Variants in TBCE observed in about 807,000 individuals in gnomAD.
The protein encoded by TBCE is tubulin-specific chaperone E.
Under a neutral mutation model 77.0 loss-of-function variants are expected in TBCE, and 53 were observed. The observed-to-expected ratio is 0.69, with a 90% CI of 0.55 to 0.87. The LOEUF (loss-of-function observed/expected upper bound fraction) is 0.87, where lower values mean the gene tolerates loss of function less well. Among genes scored for constraint, TBCE ranks in the 40% least tolerant of loss-of-function variants. The pLI is 0.00. For missense variants in TBCE, 624 were observed against 622.4 expected, an observed-to-expected ratio of 1.00 and a Z score of -0.03; for synonymous variants, 235 against 241.3, an observed-to-expected ratio of 0.97 and a Z score of 0.24.
chr1:235,437,175 T>C, intron 11 of TBCE, 147 bp from the exon 12 acceptor site: 1 of 887,268 alleles, frequency 1.1e-6, no homozygotes. Flanking sequence ...AAGTATGTGG[T>C]CTTTCTAGAG....
intron 7 of TBCE, chr1:235,432,941 AT>A (rs1274180482): frequency 3.9e-6 from 5 of 1,275,172 alleles, no homozygotes; most frequent in Non-Finnish European, 3.9e-6. Context: ...AAAAAAAAAA[AT>A]TAGGCTCATG....
In TBCE at chr1:235,441,811, C is replaced by T. The variant is rs1681896999; in HGVS notation, c.1271-3C>T. 6.2e-7 allele frequency: 1 copy of T among 1,613,756 alleles called. No individual in the cohort carries two copies. Among genetic ancestry groups the T allele is most frequent in the African/African-American group, 1.3e-5 (1 of 74,996 alleles). ...CATTCATCTCTTTTGCTTTCTTAAACAGAATATGGTGCACCTGAAGATTGG... is the reference window on the plus strand; with the variant it reads ...CATTCATCTCTTTTGCTTTCTTAAATAGAATATGGTGCACCTGAAGATTGG... On this transcript the variant is annotated splice_polypyrimidine_tract_variant and splice_region_variant and intron_variant, in intron 13 of 16. Coordinates refer to ENST00000642610, the MANE Select transcript of TBCE (RefSeq NM_003193.5).
intron 2 of TBCE, among the ~76,000 whole-genome samples, chr1:235,385,086 T>C (rs1677909937): frequency 6.6e-6 from 1 of 152,208 alleles, no homozygotes; most frequent in Non-Finnish European, 1.5e-5. Context: ...CCAGTAGTCA[T>C]TCAGGAGCAG....
chr1:235,384,645 G>A (rs547812482), intron 2 of TBCE, among the ~76,000 whole-genome samples: 42 of 151,446 alleles, frequency 2.8e-4, no homozygotes, highest in African/African-American at 9.7e-4. Context: ...TTGTATTTCT[G>A]TGGGATCGGT....
Position 235,388,664 on chromosome 1 carries a change from A to G in TBCE, c.100+8515A>G, listed in dbSNP as rs79931062. 7.3e-3 allele frequency among the ~76,000 whole-genome samples: 1,111 copies of G among 152,310 alleles called. 11 individuals are homozygous for G. Among genetic ancestry groups the G allele is most frequent in the African/African-American group, 0.026 (1,073 of 41,558 alleles). ...GTTGCCAAATTGTTGTCTGCAAGTC[A>G]GTCAATGTCCGGTACTTGGAAATTT... On this transcript the variant is annotated intron_variant, in intron 2 of 16. Transcript: ENST00000642610.
At chr1:235,402,365 C>T (rs933710553) in intron 3 of TBCE, among the ~76,000 whole-genome samples, 3 of 152,002 alleles carry the variant, frequency 2.0e-5, no homozygotes, top group Non-Finnish European at 2.9e-5. Context: ...CCCGGCCTGT[C>T]ACATTGCATT....
At chr1:235,424,018 G>C (rs1325389161) in intron 5 of TBCE, among the ~76,000 whole-genome samples, 1 of 152,162 alleles carries the variant, frequency 6.6e-6, no homozygotes, top group Non-Finnish European at 1.5e-5. Flanking sequence ...CAATGCTTTG[G>C]AGTGATGCCA....
At position 235,386,090 on chromosome 1, in the gene TBCE, G is replaced by A. The variant is rs917648595; in HGVS notation, c.100+5941G>A. On this transcript the variant is annotated intron_variant, in intron 2 of 16. Transcript: ENST00000642610. ...TTCACTTATGAAGCTTAGTTTGGCT[G>A]GATATGAAATTCTGGGTTGAAAATT... Among the ~76,000 whole-genome samples, 130 of 152,258 alleles carry A rather than the reference G, an allele frequency of 8.5e-4. 2 individuals are homozygous for A. Among genetic ancestry groups the A allele is most frequent in the Middle Eastern group, 3.4e-3 (1 of 294 alleles).
rs1681451730 is a variant in TBCE, at chr1:235,436,426, C to G, written c.874C>G (p.Leu292Val). 2.5e-6 allele frequency: 4 copies of G among 1,614,000 alleles called. No homozygotes were observed. Among genetic ancestry groups the G allele is most frequent in the Non-Finnish European group, 3.4e-6 (4 of 1,180,000 alleles). Reference protein sequence around the residue: ...LILSDTGISSLHFPDAGIGCK... With the variant: ...LILSDTGISSVHFPDAGIGCK... ...CCTCTCTGACACTGGAATTTCTTCT[C>G]TACATTTTCCGGATGCTGGAATTGG... Residue 292 changes from leucine (L) to valine (V), a missense_variant, in exon 10 of 17, where the codon CTA (leucine) becomes GTA (valine). Leu to Val is a conservative substitution (Grantham distance 32). Transcript: ENST00000642610.
chr1:235,383,421 C>T (rs1352932769), intron 2 of TBCE, among the ~76,000 whole-genome samples: 1 of 152,164 alleles, frequency 6.6e-6, no homozygotes, highest in East Asian at 1.9e-4. Flanking sequence ...TGGCCATTTT[C>T]ACGATATTAA....
chr1:235,409,471 C>T (rs1051239326), intron 3 of TBCE, among the ~76,000 whole-genome samples: 3 of 151,986 alleles, frequency 2.0e-5, no homozygotes, highest in African/African-American at 7.3e-5. Flanking sequence ...TTGATGGGCA[C>T]CCATTCAGCT....
In TBCE at chr1:235,449,185, T is replaced by G. The variant is rs958624997; in HGVS notation, c.*423T>G. The G allele has an allele frequency of 4.0e-6, 1 of 248,428 alleles. No homozygotes were observed. The highest frequency in any genetic ancestry group is 7.9e-6 in the Non-Finnish European group (1 of 126,554). 15.4% of individuals were successfully genotyped at this position (248,428 alleles called of 1,614,324 possible). A position where few individuals can be genotyped will look rare whatever the true frequency, so the allele number is the denominator to read the frequency against. On this transcript the variant is annotated 3_prime_UTR_variant, in exon 17 of 17. Coordinates refer to ENST00000642610, the MANE Select transcript of TBCE (RefSeq NM_003193.5). ...GGTTGGTCATTTTGGGAAATGTCCC[T>G]TAAACTTGGGGAGACATCCTCTACT...
chr1:235,372,198 C>T lies in TBCE; in HGVS notation c.-32+4694C>T, dbSNP rs114781976. Reference sequence around the variant, plus strand: ...TGCTGTGCATATTTAGCTGGGATTACAGACGCACTCCACCTCGCCAGGCTA... The same window carrying T: ...TGCTGTGCATATTTAGCTGGGATTATAGACGCACTCCACCTCGCCAGGCTA... On this transcript the variant is annotated intron_variant, in intron 1 of 16. Coordinates refer to ENST00000642610, the MANE Select transcript of TBCE (RefSeq NM_003193.5). Among the ~76,000 whole-genome samples, 724 of 152,212 alleles carry T rather than the reference C, an allele frequency of 4.8e-3. 7 individuals carry two copies. The highest frequency in any genetic ancestry group is 0.016 in the African/African-American group (677 of 41,524).
At chr1:235,390,213 G>A (rs961924441) in intron 2 of TBCE, among the ~76,000 whole-genome samples, 1 of 152,066 alleles carries the variant, frequency 6.6e-6, no homozygotes, top group African/African-American at 2.4e-5. Flanking sequence ...TCCTGTGATA[G>A]CATCATACAA....
At position 235,451,051 on chromosome 1, in the gene TBCE, G is replaced by A. The variant is rs896017158; in HGVS notation, c.*2289G>A. 1 of 152,288 alleles carries A rather than the reference G, an allele frequency of 6.6e-6. No individual in the cohort carries two copies. The highest frequency in any genetic ancestry group is 2.4e-5 in the African/African-American group (1 of 41,520). 9.4% of individuals were successfully genotyped at this position (152,288 alleles called of 1,614,324 possible). ...ACTCCGTGATCAAAGAAGAAACAGG[G>A]TAGGAGAAAGCACTGAGTCAGCCTG... On this transcript the variant is annotated 3_prime_UTR_variant, in exon 17 of 17. Transcript: ENST00000642610.
chr1:235,411,893 C>T (rs1480131803), intron 3 of TBCE, among the ~76,000 whole-genome samples: 2 of 151,936 alleles, frequency 1.3e-5, no homozygotes, highest in Non-Finnish European at 2.9e-5. Flanking sequence ...AGGCTGTGCT[C>T]ACTTGCCTCC....
At position 235,401,592 on chromosome 1, in the gene TBCE, C is replaced by A; in HGVS notation, c.185+5C>A. On this transcript the variant is annotated splice_donor_5th_base_variant and intron_variant, in intron 3 of 16. Coordinates refer to ENST00000642610, the MANE Select transcript of TBCE (RefSeq NM_003193.5). The stretch of plus-strand genomic sequence containing the variant: ...GACTGTGTATTTTAAATGCAGGTAA[C>A]TTTTCATTATGAATCAGCACGGTCA... 1 of 1,611,334 alleles carries A rather than the reference C, an allele frequency of 6.2e-7. No individual in the cohort carries two copies. The highest frequency in any genetic ancestry group is 8.5e-7 in the Non-Finnish European group (1 of 1,177,788).
intron 5 of TBCE, 140 bp from the exon 6 acceptor site, chr1:235,427,000 T>C (rs1238878552): frequency 3.0e-6 from 2 of 670,510 alleles, no homozygotes; most frequent in East Asian, 2.7e-5. Flanking sequence ...AAAAATATTA[T>C]GTACTCCTGA....
intron 2 of TBCE, among the ~76,000 whole-genome samples, chr1:235,381,368 A>T (rs1677626614): frequency 6.6e-6 from 1 of 152,104 alleles, no homozygotes; most frequent in African/African-American, 2.4e-5. Context: ...TCCAAGTTTT[A>T]CTAAAGACAA....
Sources: allele counts gnomAD v4.1 joint callset (sites outside exome capture counted in the v4.1 genomes callset), GRCh38; gene constraint gnomAD v4.1.1; transcripts MANE v1.5; gene names NCBI Gene and HGNC (gene_info 2026-07-23, HGNC 2026-07-21).